The following MYLK variants were observed in gnomAD, a reference collection of about 807,000 sequenced individuals.
MYLK encodes myosin light chain kinase, smooth muscle.
Under a neutral mutation model 203.4 loss-of-function variants are expected in MYLK, and 106 were observed. The ratio of observed to expected loss-of-function variants is 0.52; its 90% CI spans 0.45 to 0.61. The LOEUF (loss-of-function observed/expected upper bound fraction) is 0.61. Among genes scored for constraint, MYLK ranks in the 20% least tolerant of loss-of-function variants. The pLI, the probability that MYLK is intolerant of heterozygous loss-of-function variation, is 0.00. For missense variants in MYLK, 2,072 were observed against 2,442.3 expected (o/e 0.85, Z 3.20); for synonymous variants, 867 against 959.5 (o/e 0.90, Z 1.78).
Position 123,856,557 on chromosome 3 carries a change from T to G in MYLK, c.-127+20002A>C, listed in dbSNP as rs149493166. On this transcript the variant is annotated intron_variant, in intron 2 of 33. Coordinates refer to ENST00000360304, the MANE Select transcript of MYLK (RefSeq NM_053025.4). Reference sequence around the variant, plus strand: ...ATTTAATGGGGACCTTCTTTATGTATTACAGTGCATTTTATATACGTTCCT... The same window carrying G: ...ATTTAATGGGGACCTTCTTTATGTAGTACAGTGCATTTTATATACGTTCCT... Among the ~76,000 whole-genome samples, 34 of 152,328 alleles carry G rather than the reference T, an allele frequency of 2.2e-4. No homozygotes were observed. In the East Asian group the frequency reaches 6.2e-3, roughly 28 times the overall value.
intron 3 of MYLK, among the ~76,000 whole-genome samples, chr3:123,794,053 A>C (rs1576996604): frequency 6.6e-6 from 1 of 152,252 alleles, no homozygotes; most frequent in African/African-American, 2.4e-5. Context: ...AGCCCATCCC[A>C]GACAAACACT....
chr3:123,796,422 AT>A (rs2064988946), intron 3 of MYLK, among the ~76,000 whole-genome samples: 4 of 152,170 alleles, frequency 2.6e-5, no homozygotes, highest in African/African-American at 9.7e-5. Context: ...AAATTGGCTG[AT>A]GGGAAAGGAA....
intron 3 of MYLK, among the ~76,000 whole-genome samples, chr3:123,825,159 GA>G (rs971669319): frequency 1.4e-4 from 20 of 143,760 alleles, no homozygotes; most frequent in African/African-American, 5.1e-5. Flanking sequence ...AAAAAAAAAA[GA>G]AAAAAAAAGT....
intron 20 of MYLK, among the ~76,000 whole-genome samples, chr3:123,679,170 G>A (rs2060173591): frequency 6.6e-6 from 1 of 152,102 alleles, no homozygotes; most frequent in Non-Finnish European, 1.5e-5. Context: ...AGTTGGGCGT[G>A]GTGGTGCGCA....
chr3:123,688,086 C>T (rs1370671909), intron 19 of MYLK, among the ~76,000 whole-genome samples: 1 of 152,064 alleles, frequency 6.6e-6, no homozygotes, highest in Non-Finnish European at 1.5e-5. Flanking sequence ...GTCTTCTTCG[C>T]AGGCCCCTGT....
intron 12 of MYLK, among the ~76,000 whole-genome samples, chr3:123,723,203 G>A (rs932679453): frequency 8.6e-5 from 13 of 151,648 alleles, no homozygotes; most frequent in East Asian, 1.9e-4. Context: ...AATTGGGGTC[G>A]GCCAGTGGGG....
chr3:123,822,169 G>A (rs1370640393), intron 3 of MYLK, among the ~76,000 whole-genome samples: 3 of 152,154 alleles, frequency 2.0e-5, no homozygotes. Context: ...AGAACTGTAA[G>A]AAATAAGTCT....
At chr3:123,663,434 TG>T (rs1250698236) in intron 23 of MYLK, among the ~76,000 whole-genome samples, 1 of 151,772 alleles carries the variant, frequency 6.6e-6, no homozygotes, top group Non-Finnish European at 1.5e-5. Context: ...TGGAGGGTGC[TG>T]GGGGGTGAAG....
rs558865554 is a variant in MYLK at position 123,649,199 on chromosome 3, G to T, written c.4289-5C>A. 3.1e-5 allele frequency: 50 copies of T among 1,612,300 alleles called. No homozygotes were observed. Among genetic ancestry groups the T allele is most frequent in the Non-Finnish European group, 4.1e-5 (48 of 1,180,004 alleles). Reference sequence around the variant, plus strand: ...CCTCCACTTCATCCTTCGGCTCTGGGGGGGGCACAAGGAAGGACAGAGAGG... The same window carrying T: ...CCTCCACTTCATCCTTCGGCTCTGGTGGGGGCACAAGGAAGGACAGAGAGG... On this transcript the variant is annotated splice_polypyrimidine_tract_variant and splice_region_variant and intron_variant, in intron 24 of 33. Transcript: ENST00000360304.
intron 2 of MYLK, among the ~76,000 whole-genome samples, chr3:123,833,177 T>C (rs1249711992): frequency 6.6e-6 from 1 of 152,052 alleles, no homozygotes; most frequent in Non-Finnish European, 1.5e-5. Context: ...ACCCAGTTGC[T>C]CCCTGTAATC....
At chr3:123,712,128 G>C (rs1048842687) in intron 13 of MYLK, among the ~76,000 whole-genome samples, 6 of 152,186 alleles carry the variant, frequency 3.9e-5, no homozygotes, top group African/African-American at 1.4e-4. Flanking sequence ...GCTGCTCTCT[G>C]GTGCTGCTGA....
At chr3:123,744,876 C>T (rs1293802833) in intron 5 of MYLK, among the ~76,000 whole-genome samples, 1 of 152,106 alleles carries the variant, frequency 6.6e-6, no homozygotes, top group Non-Finnish European at 1.5e-5. Context: ...TATGCATCTC[C>T]ATTAACTTAA....
chr3:123,742,011 A>T (rs949969745), intron 5 of MYLK, among the ~76,000 whole-genome samples: 7 of 151,786 alleles, frequency 4.6e-5, no homozygotes, highest in South Asian at 2.1e-4. Flanking sequence ...ACAAGGTCCC[A>T]CTCCCCTTCA....
intron 13 of MYLK, among the ~76,000 whole-genome samples, chr3:123,710,509 TA>T (rs1271678324): frequency 1.3e-5 from 2 of 152,156 alleles, no homozygotes; most frequent in Non-Finnish European, 2.9e-5. Flanking sequence ...TAGGAGGTTT[TA>T]AGCACCTCAC....
At chr3:123,671,629 G>A (rs1373824853) in intron 20 of MYLK, among the ~76,000 whole-genome samples, 1 of 152,178 alleles carries the variant, frequency 6.6e-6, no homozygotes, top group Non-Finnish European at 1.5e-5. Flanking sequence ...ACAGTGGGGA[G>A]TAAAATAGTC....
chr3:123,633,965 A>G (rs1453126026), intron 29 of MYLK, among the ~76,000 whole-genome samples: 1 of 152,142 alleles, frequency 6.6e-6, no homozygotes, highest in East Asian at 1.9e-4. Flanking sequence ...CCACAGGTGC[A>G]CACTACTGCA....
intron 1 of MYLK, among the ~76,000 whole-genome samples, chr3:123,883,452 T>C (rs2682230): frequency 2.6e-5 from 4 of 151,114 alleles, no homozygotes; most frequent in African/African-American, 9.7e-5. Flanking sequence ...CTAAAAAAAA[T>C]ATATATCCTT....
rs536403757 is a variant in MYLK at position 123,878,932 on chromosome 3, C to T, written c.-185-2315G>A. 2.1e-4 allele frequency among the ~76,000 whole-genome samples: 32 copies of T among 152,304 alleles called. 1 individual carries two copies. Among genetic ancestry groups the T allele is most frequent in the African/African-American group, 5.3e-4 (22 of 41,568 alleles). On this transcript the variant is annotated intron_variant, in intron 1 of 33. Transcript: ENST00000360304. ...GAACCCTGACCTCAGGTGATCCACC[C>T]GCCTTGGCCTCCCAAAGTGCTGGGA...
In MYLK at chr3:123,667,163, G is replaced by C. The variant is rs754911735; in HGVS notation, c.3677C>G (p.Pro1226Arg). ...TESDATVKKK[P>R]APKTPPKAAM... ...TGCCTTCGGAGGTGTCTTGGGGGCA[G>C]GTTTCTTTTTCACAGTCGCATCACC... is the stretch of plus-strand genomic sequence containing the variant. Residue 1226 changes from proline to arginine, a missense_variant, in exon 21 of 34, where the codon CCT becomes CGT. Around this residue, in one of 3 missense-constraint regions of MYLK, gnomAD observed 865 missense variants for 1,016.0 expected, o/e 0.85. Coordinates refer to ENST00000360304, the MANE Select transcript of MYLK (RefSeq NM_053025.4). 1 of 1,614,016 alleles carries C rather than the reference G, an allele frequency of 6.2e-7. No individual in the cohort carries two copies. The highest frequency in any genetic ancestry group is 1.7e-5 in the Admixed American group (1 of 59,996).
Sources: gnomAD v4.1 joint callset for allele counts (sites outside exome capture counted in the v4.1 genomes callset) on GRCh38, gnomAD v4.1.1 for gene constraint, gnomAD v4.1.1 regional missense constraint, MANE v1.5 for transcripts, NCBI Gene and HGNC (gene_info 2026-07-23, HGNC 2026-07-21) for gene names.